SLC12A1: variants seen among roughly 807,000 people sequenced by gnomAD.
The protein encoded by SLC12A1 is Na-K-2Cl cotransporter.
SLC12A1 carries 89 observed loss-of-function variants against 130.4 expected under a neutral mutation model. The ratio of observed to expected loss-of-function variants is 0.68; its 90% CI spans 0.58 to 0.81. SLC12A1 has a LOEUF of 0.81. Ranked by LOEUF, SLC12A1 falls within the 40% of genes least tolerant of loss-of-function variation. The pLI is 0.00. For missense variants in SLC12A1, 1,310 were observed against 1,336.4 expected (o/e 0.98, Z 0.31); for synonymous variants, 499 against 460.0 (o/e 1.08, Z -1.09).
In SLC12A1 at chr15:48,274,634, T is replaced by C. The variant is rs201066495; in HGVS notation, c.2466T>C (p.Ser822=). 9 of 1,611,530 alleles carry C rather than the reference T, an allele frequency of 5.6e-6. No individual in the cohort carries two copies. In the Admixed American group the frequency reaches 8.3e-5, roughly 15 times the overall value. The change falls in exon 20 of 27, where the codon TCT becomes TCC. Residue 822 remains serine (S), a synonymous_variant. Transcript: ENST00000380993. The part of the protein sequence containing the change: ...IVRISQGFDI[S]QVLQVQEELE... Reference sequence around the variant, plus strand: ...GAATCAGCCAAGGATTTGACATCTCTCAGGTTCTTCAGGTGCAAGGTATGT... The same window carrying C: ...GAATCAGCCAAGGATTTGACATCTCCCAGGTTCTTCAGGTGCAAGGTATGT...
intron 21 of SLC12A1, 33 bp downstream of exon 21, chr15:48,285,282 A>G (rs2042045904): frequency 6.2e-7 from 1 of 1,607,106 alleles, no homozygotes; most frequent in South Asian, 1.1e-5. Flanking sequence ...AAAAAAGTTT[A>G]CAAGATGAGT....
chr15:48,242,405 G>A (rs1211787548), intron 10 of SLC12A1, among the ~76,000 whole-genome samples: 1 of 152,074 alleles, frequency 6.6e-6, no homozygotes, highest in Non-Finnish European at 1.5e-5. Flanking sequence ...AATTGAGAAG[G>A]TACATGTACC....
In SLC12A1 at chr15:48,249,666, C is replaced by T. The variant is rs746654991; in HGVS notation, c.1776C>T (p.Ala592=). The change falls in exon 14 of 27, where the codon GCC becomes GCT. Residue 592 remains alanine (A), a synonymous_variant. Coordinates refer to ENST00000380993, the MANE Select transcript of SLC12A1 (RefSeq NM_000338.3). Reference sequence around the variant, plus strand: ...TCTCCTGCTTCCATGCCTCTTATGCCAAATCTCCAGGTAAGCTGACTTCCA... The same window carrying T: ...TCTCCTGCTTCCATGCCTCTTATGCTAAATCTCCAGGTAAGCTGACTTCCA... ...INFSCFHASY[A]KSPGWRPAYG... 6.2e-6 allele frequency: 10 copies of T among 1,611,804 alleles called. No homozygotes were observed. Among genetic ancestry groups the T allele is most frequent in the Non-Finnish European group, 8.5e-6 (10 of 1,178,128 alleles).
chr15:48,244,433 C>CATA (rs1180701512), intron 10 of SLC12A1, among the ~76,000 whole-genome samples: 1 of 152,120 alleles, frequency 6.6e-6, no homozygotes, highest in Non-Finnish European at 1.5e-5. Context: ...CTAAGCCAGA[C>CATA]ATATATATTG....
chr15:48,297,831 G>C (rs1202941800), intron 24 of SLC12A1, among the ~76,000 whole-genome samples: 1 of 152,140 alleles, frequency 6.6e-6, no homozygotes, highest in Non-Finnish European at 1.5e-5. Context: ...GCTGGAGCGA[G>C]AACCCAGACC....
chr15:48,257,099 C>T (rs574694543), intron 16 of SLC12A1, among the ~76,000 whole-genome samples: 21 of 152,294 alleles, frequency 1.4e-4, no homozygotes, highest in South Asian at 4.1e-4. Context: ...CATGCAAGTC[C>T]GAAATCCAGT....
Position 48,288,112 on chromosome 15 carries a change from C to G in SLC12A1, c.2699C>G (p.Thr900Ser). 6 of 1,610,802 alleles carry G rather than the reference C, an allele frequency of 3.7e-6. No individual in the cohort carries two copies. The highest frequency in any genetic ancestry group is 5.1e-6 in the Non-Finnish European group (6 of 1,178,540). Residue 900 changes from threonine (T) to serine (S), a missense_variant, in exon 22 of 27, where the codon ACT becomes AGT. By Grantham distance (58) the Thr-to-Ser change is moderately conservative (BLOSUM62 1). Coordinates refer to ENST00000380993, the MANE Select transcript of SLC12A1 (RefSeq NM_000338.3). Reference protein sequence around the residue: ...EFNQKLVEASTQFKKKQEKGT... With the variant: ...EFNQKLVEASSQFKKKQEKGT... ...AACCAGAAACTGGTGGAAGCCAGCA[C>G]TCAATTTAAAAAGAAACAAGAAAAA... is the stretch of plus-strand genomic sequence containing the variant.
chr15:48,250,676 TCACACACA>T (rs56705329), intron 14 of SLC12A1, among the ~76,000 whole-genome samples: 8 of 146,016 alleles, frequency 5.5e-5, no homozygotes, highest in Non-Finnish European at 9.0e-5. Context: ...AATGTCTGCC[TCACACACA>T]CACACACACA....
At chr15:48,298,888 G>A (rs1266819500) in intron 24 of SLC12A1, among the ~76,000 whole-genome samples, 1 of 152,220 alleles carries the variant, frequency 6.6e-6, no homozygotes, top group Non-Finnish European at 1.5e-5. Flanking sequence ...GCGTATGTGT[G>A]TTAATATTGA....
intron 9 of SLC12A1, chr15:48,237,134 A>G: frequency 1.5e-6 from 1 of 654,080 alleles, no homozygotes; most frequent in Non-Finnish European, 2.8e-6. Flanking sequence ...CCCCTCAAAA[A>G]GTAAAGGAAG....
intron 16 of SLC12A1, 143 bp from the exon 17 acceptor site, chr15:48,259,057 A>C: frequency 1.7e-6 from 1 of 604,398 alleles, no homozygotes; most frequent in South Asian, 2.2e-5. Flanking sequence ...TGATTCAAGA[A>C]TACTGGTGCG....
intron 20 of SLC12A1, among the ~76,000 whole-genome samples, chr15:48,283,944 G>A (rs986287947): frequency 1.3e-5 from 2 of 152,184 alleles, no homozygotes; most frequent in African/African-American, 4.8e-5. Flanking sequence ...CCCTGATTCA[G>A]TGCAGGGTGA....
intron 21 of SLC12A1, among the ~76,000 whole-genome samples, chr15:48,287,545 C>T (rs1372285844): frequency 6.6e-6 from 1 of 152,178 alleles, no homozygotes; most frequent in Non-Finnish European, 1.5e-5. Context: ...CTGAATGGAA[C>T]TTAAACCAAA....
At chr15:48,283,235 T>C (rs1255718131) in intron 20 of SLC12A1, among the ~76,000 whole-genome samples, 1 of 152,216 alleles carries the variant, frequency 6.6e-6, no homozygotes, top group East Asian at 1.9e-4. Context: ...TTATTCTTTT[T>C]GCAAAGCTTG....
rs778155899 is a variant in SLC12A1, at chr15:48,247,466, T to G, written c.1684+6T>G. On this transcript the variant is annotated splice_donor_region_variant and intron_variant, in intron 13 of 26. Coordinates refer to ENST00000380993, the MANE Select transcript of SLC12A1 (RefSeq NM_000338.3). ...CATGGCATTTATTCTTATTGGTTTG[T>G]AAAGTTTTCTTGTTTTTATTGAAAA... The G allele has an allele frequency of 6.3e-7, 1 of 1,590,454 alleles. No homozygotes were observed. The highest frequency in any genetic ancestry group is 1.7e-4 in the Middle Eastern group (1 of 5,992).
chr15:48,303,157 C>A lies in SLC12A1; in HGVS notation c.*272C>A. On this transcript the variant is annotated 3_prime_UTR_variant, in exon 27 of 27. Transcript: ENST00000380993. ...AGAAAATCAAGGAAACTCATGTTGG[C>A]TTATGCTCATGAAAACCACCAATGT... The A allele has an allele frequency of 3.7e-6, 1 of 269,332 alleles. No homozygotes were observed. The highest frequency in any genetic ancestry group is 6.9e-6 in the Non-Finnish European group (1 of 144,312). The allele number at this position is 269,332 out of a possible 1,614,324, so 16.7% of individuals were successfully genotyped here.
chr15:48,216,967 G>T (rs1440663493), intron 2 of SLC12A1, among the ~76,000 whole-genome samples: 1 of 152,038 alleles, frequency 6.6e-6, no homozygotes, highest in Non-Finnish European at 1.5e-5. Context: ...TAACCACATG[G>T]GGCTATTGAG....
At chr15:48,224,362 A>G (rs1032578007) in intron 4 of SLC12A1, 2 of 152,240 alleles carry the variant, frequency 1.3e-5, no homozygotes, top group African/African-American at 4.8e-5. Flanking sequence ...GATCAATAAG[A>G]GAAAAACAGA....
At chr15:48,227,089 C>A (rs1180385574) in intron 5 of SLC12A1, 3 of 1,551,780 alleles carry the variant, frequency 1.9e-6, no homozygotes, top group South Asian at 2.4e-5. Context: ...GTCTTGGAGT[C>A]ATCATCATTG....
Sources: gnomAD v4.1 joint callset for allele counts (sites outside exome capture counted in the v4.1 genomes callset) on GRCh38, gnomAD v4.1.1 for gene constraint, MANE v1.5 for transcripts, NCBI Gene and HGNC (gene_info 2026-07-23, HGNC 2026-07-21) for gene names.